Variants in C6 observed in about 807,000 individuals in gnomAD.
The protein encoded by C6 is complement C6, also known as complement component C6.
C6 carries 101 observed loss-of-function variants against 112.9 expected under a neutral mutation model. The ratio of observed to expected loss-of-function variants is 0.89; its 90% confidence interval spans 0.76 to 1.06. The LOEUF (loss-of-function observed/expected upper bound fraction) is 1.06. Ranked by LOEUF, C6 falls within the 50% of genes least tolerant of loss-of-function variation. The pLI, the probability that C6 is intolerant of heterozygous loss-of-function variation, is 0.00. For missense variants in C6, 1,202 were observed against 1,104.6 expected (o/e 1.09, Z -1.25); for synonymous variants, 431 against 384.1 (o/e 1.12, Z -1.43).
chr5:41,150,673 G>C (rs1441933397), intron 15 of C6, among the ~76,000 whole-genome samples: 2 of 152,096 alleles, frequency 1.3e-5, no homozygotes, highest in Admixed American at 1.3e-4. Flanking sequence ...CAGATCACAA[G>C]GTCAGGAGTT....
At chr5:41,151,679 G>A (rs1461000558) in intron 15 of C6, among the ~76,000 whole-genome samples, 1 of 152,106 alleles carries the variant, frequency 6.6e-6, no homozygotes. Flanking sequence ...GAGGCGAGGG[G>A]ACAGATCCAA....
intron 1 of C6, among the ~76,000 whole-genome samples, chr5:41,228,182 C>A (rs11959814): frequency 0.01 from 1,527 of 152,000 alleles, 31 homozygotes; most frequent in African/African-American, 0.035. Context: ...AGCTCTTTTA[C>A]CTCCTTGTTT....
intron 1 of C6, among the ~76,000 whole-genome samples, chr5:41,237,272 C>G (rs1048854001): frequency 8.0e-5 from 8 of 100,332 alleles, no homozygotes; most frequent in Non-Finnish European, 1.2e-4. Flanking sequence ...GAGACACAAC[C>G]AAAAAAGAGA....
rs1749932516 is a variant in C6 at position 41,188,204 on chromosome 5, C to T, written c.588-1996G>A. On this transcript the variant is annotated intron_variant, in intron 5 of 17. Transcript: ENST00000337836. Reference sequence around the variant, plus strand: ...TTGTGTTGTTGAGATAGCAGTACTTCCCAAATTGATTTATAGATTCAAGAC... The same window carrying T: ...TTGTGTTGTTGAGATAGCAGTACTTTCCAAATTGATTTATAGATTCAAGAC... 3.3e-5 allele frequency among the ~76,000 whole-genome samples: 5 copies of T among 152,184 alleles called. No individual in the cohort carries two copies. In the South Asian group the frequency reaches 1.0e-3, roughly 32 times the overall value.
At chr5:41,199,353 T>A (rs1295017333) in intron 4 of C6, among the ~76,000 whole-genome samples, 1 of 152,196 alleles carries the variant, frequency 6.6e-6, no homozygotes, top group Non-Finnish European at 1.5e-5. Context: ...AAAATTTTAT[T>A]GAAATATAGC....
chr5:41,231,554 T>G (rs1024333605), intron 1 of C6, among the ~76,000 whole-genome samples: 1 of 152,168 alleles, frequency 6.6e-6, no homozygotes, highest in Non-Finnish European at 1.5e-5. Flanking sequence ...TAAGCTAATA[T>G]GCTGTTACAA....
intron 17 of C6, 67 bp from the exon 18 acceptor site, chr5:41,143,073 C>T: frequency 6.8e-7 from 1 of 1,470,320 alleles, no homozygotes; most frequent in Admixed American, 1.7e-5. Flanking sequence ...TTATCTAAAT[C>T]ATCCCCAGGG....
rs1043877303 is a variant in C6, at chr5:41,248,463, A to C, written c.-21+12731T>G. 4.6e-5 allele frequency among the ~76,000 whole-genome samples: 7 copies of C among 152,350 alleles called. 1 individual carries two copies. In the Middle Eastern group the frequency reaches 0.01, roughly 222 times the overall value. On this transcript the variant is annotated intron_variant, in intron 1 of 17. Transcript: ENST00000263413. ...AATATCCAGAATCCATTAGGAACTT[A>C]AACAATTGAAGGAGCAAAGAACAAA...
Position 41,158,666 on chromosome 5 carries a change from A to G in C6, c.1968+8T>C. 1 of 1,525,002 alleles carries G rather than the reference A, an allele frequency of 6.6e-7. No homozygotes were observed. The highest frequency in any genetic ancestry group is 9.1e-7 in the Non-Finnish European group (1 of 1,098,732). The allele number at this position is 1,525,002 out of a possible 1,614,324, so 94.5% of individuals were successfully genotyped here. A position where few individuals can be genotyped will look rare whatever the true frequency, so the allele number is the denominator to read the frequency against. Reference sequence around the variant, plus strand: ...CTACAAACCAAAAGTGAGGTTTAGGATGCTGACCCGGATAAATCCATTTTC... The same window carrying G: ...CTACAAACCAAAAGTGAGGTTTAGGGTGCTGACCCGGATAAATCCATTTTC... On this transcript the variant is annotated splice_region_variant and intron_variant, in intron 13 of 17. Coordinates refer to ENST00000337836, the MANE Select transcript of C6 (RefSeq NM_000065.5).
intron 8 of C6, 102 bp downstream of exon 8, chr5:41,176,373 C>T (rs568135746): frequency 8.4e-7 from 1 of 1,188,620 alleles, no homozygotes; most frequent in Admixed American, 2.0e-5. Context: ...AAAGCAGGAT[C>T]TAAATAAAGT....
chr5:41,172,752 C>T (rs959005675), intron 8 of C6: 6 of 284,920 alleles, frequency 2.1e-5, no homozygotes, highest in Non-Finnish European at 4.1e-5. Context: ...AAGATTATGA[C>T]GTGCTCTGAT....
chr5:41,195,930 C>A lies in C6; in HGVS notation c.449G>T (p.Arg150Leu), dbSNP rs371223066. 4 of 1,613,536 alleles carry A rather than the reference C, an allele frequency of 2.5e-6. No individual in the cohort carries two copies. The highest frequency in any genetic ancestry group is 1.3e-5 in the African/African-American group (1 of 74,888). ...GCATTCTAACTTTCTGGCAATGCAG[C>A]GGCCTAGTCAAGAAAAGCAAACAAA... ...CKNKFRCDSGRCIARKLECNG... is the reference protein window; with the variant it reads ...CKNKFRCDSGLCIARKLECNG... The change falls in exon 5 of 18, where the codon CGC becomes CTC. Residue 150 changes from arginine (R) to leucine (L), a missense_variant. Coordinates refer to ENST00000337836, the MANE Select transcript of C6 (RefSeq NM_000065.5).
intron 8 of C6, among the ~76,000 whole-genome samples, chr5:41,176,054 G>T (rs559861672): frequency 6.6e-6 from 1 of 152,060 alleles, no homozygotes; most frequent in Non-Finnish European, 1.5e-5. Flanking sequence ...TATTTAATTC[G>T]TTATAAGGTA....
chr5:41,213,642 G>C (rs900158041), upstream of C6: 14 of 706,824 alleles, frequency 2.0e-5, no homozygotes, highest in Admixed American at 8.8e-4. Flanking sequence ...ATGTTACACA[G>C]AGTCCTGAAT....
At chr5:41,224,617 T>C (rs1389278769) in intron 1 of C6, among the ~76,000 whole-genome samples, 1 of 152,152 alleles carries the variant, frequency 6.6e-6, no homozygotes, top group South Asian at 2.1e-4. Context: ...CTCTGTTGCA[T>C]GGGTATACTA....
intron 1 of C6, among the ~76,000 whole-genome samples, chr5:41,255,224 G>T (rs1358059968): frequency 6.6e-6 from 1 of 152,018 alleles, no homozygotes; most frequent in Non-Finnish European, 1.5e-5. Context: ...AGGCGGGCAT[G>T]GTGGTGGGTG....
At chr5:41,211,258 GCATAGCATTAGGA>G (rs1194704107) in intron 1 of C6, among the ~76,000 whole-genome samples, 19 of 151,946 alleles carry the variant, frequency 1.3e-4, no homozygotes, top group African/African-American at 4.6e-4. Context: ...TAGGGGAGAG[GCATAGCATTAGGA>G]CATATACCTA....
chr5:41,200,924 G>A (rs546557660), intron 3 of C6, among the ~76,000 whole-genome samples: 26 of 99,128 alleles, frequency 2.6e-4, no homozygotes, highest in African/African-American at 3.8e-4. Flanking sequence ...TTTTTAGTAC[G>A]AGTTGAGCAT....
upstream of C6, among the ~76,000 whole-genome samples, chr5:41,213,788 G>A (rs1752083493): frequency 6.6e-6 from 1 of 152,108 alleles, no homozygotes; most frequent in Non-Finnish European, 1.5e-5. Flanking sequence ...TAGATTCTTA[G>A]TTTTTGATTA....
Sources: allele counts gnomAD v4.1 joint callset (sites outside exome capture counted in the v4.1 genomes callset), GRCh38; gene constraint gnomAD v4.1.1; transcripts MANE v1.5; gene names NCBI Gene and HGNC (gene_info 2026-07-23, HGNC 2026-07-21).